The following MPPED2 variants were observed in gnomAD, a reference collection of about 807,000 sequenced individuals.
MPPED2 encodes the protein metallophosphoesterase MPPED2.
A neutral mutation model predicts 33.0 loss-of-function variants in MPPED2; 5 were observed. The ratio of observed to expected loss-of-function variants is 0.15; its 90% CI spans 0.08 to 0.32. The LOEUF (loss-of-function observed/expected upper bound fraction) is 0.32, where lower values mean the gene tolerates loss of function less well. Ranked by LOEUF, MPPED2 falls within the 10% of genes least tolerant of loss-of-function variation. The probability of loss-of-function intolerance (pLI) is 1.00; values close to 1 mark genes in which losing one functional copy is unlikely to be tolerated. For synonymous variants in MPPED2, 136 were observed against 141.9 expected, an observed-to-expected ratio of 0.96 and a Z score of 0.29; for missense variants, 275 against 372.1, an observed-to-expected ratio of 0.74 and a Z score of 2.15.
At chr11:30,455,894 T>C (rs1388636102) in intron 4 of MPPED2, among the ~76,000 whole-genome samples, 3 of 152,182 alleles carry the variant, frequency 2.0e-5, no homozygotes, top group Non-Finnish European at 4.4e-5. Context: ...AAGATTGACA[T>C]AGTGACGCTT....
intron 3 of MPPED2, among the ~76,000 whole-genome samples, chr11:30,515,591 G>A (rs1953489275): frequency 1.3e-5 from 2 of 152,142 alleles, no homozygotes; most frequent in African/African-American, 4.8e-5. Flanking sequence ...AAGTAGGTAT[G>A]CAAAACAGCT....
In MPPED2 at chr11:30,460,512, A is replaced by G. The variant is rs562546678; in HGVS notation, c.536+34784T>C. The stretch of plus-strand genomic sequence containing the variant: ...TGGTGGTGCACCTGTAGTCCCAGCT[A>G]CTCTGGAGGCTGAGGAGGGAGGACT... On this transcript the variant is annotated intron_variant, in intron 4 of 6. Transcript: ENST00000358117. Among the ~76,000 whole-genome samples, 19 of 152,064 alleles carry G rather than the reference A, an allele frequency of 1.2e-4. No homozygotes were observed. The South Asian group carries it at 3.3e-3, about 27-fold the overall frequency.
intron 6 of MPPED2, among the ~76,000 whole-genome samples, chr11:30,392,303 A>C (rs1303463761): frequency 1.3e-5 from 2 of 152,040 alleles, no homozygotes; most frequent in Non-Finnish European, 2.9e-5. Context: ...GTCCTTATTG[A>C]CTGTTCTCAC....
At chr11:30,464,096 T>C (rs1628129) in intron 4 of MPPED2, among the ~76,000 whole-genome samples, 16,842 of 152,100 alleles carry the variant, frequency 0.11, 1,213 homozygotes, top group South Asian at 0.24. Context: ...TTAATAACAA[T>C]GTAAATATTA....
intron 2 of MPPED2, among the ~76,000 whole-genome samples, chr11:30,571,087 C>T (rs1375822914): frequency 6.6e-6 from 1 of 151,928 alleles, no homozygotes; most frequent in Non-Finnish European, 1.5e-5. Flanking sequence ...GATTTTAAAG[C>T]TCAATACTAT....
At chr11:30,484,529 CACTT>C (rs1951632953) in intron 4 of MPPED2, among the ~76,000 whole-genome samples, 1 of 152,156 alleles carries the variant, frequency 6.6e-6, no homozygotes, top group African/African-American at 2.4e-5. Context: ...GTTTGACACT[CACTT>C]GGTGTTGGAG....
intron 4 of MPPED2, among the ~76,000 whole-genome samples, chr11:30,451,002 A>T (rs1461271392): frequency 6.6e-6 from 1 of 152,216 alleles, no homozygotes; most frequent in Non-Finnish European, 1.5e-5. Flanking sequence ...ATGGGAAATA[A>T]TCTGTGAGCA....
At chr11:30,387,562 A>G (rs953241790) in exon 7 of MPPED2, 1 of 152,146 alleles carries the variant, frequency 6.6e-6, no homozygotes, top group Non-Finnish European at 1.5e-5. Context: ...CCCATCAGAA[A>G]AGGAACGGAG....
At chr11:30,575,825 A>G (rs1442284967) in intron 2 of MPPED2, among the ~76,000 whole-genome samples, 1 of 152,150 alleles carries the variant, frequency 6.6e-6, no homozygotes, top group Non-Finnish European at 1.5e-5. Flanking sequence ...AGACACTCCT[A>G]GGCTGTTTAT....
chr11:30,485,826 G>A (rs1463155911), intron 4 of MPPED2, among the ~76,000 whole-genome samples: 1 of 152,210 alleles, frequency 6.6e-6, no homozygotes, highest in Non-Finnish European at 1.5e-5. Flanking sequence ...ATGAACCCTT[G>A]AGAGGGTGGG....
downstream of MPPED2, among the ~76,000 whole-genome samples, chr11:30,406,487 T>G (rs1297286242): frequency 6.6e-6 from 1 of 152,112 alleles, no homozygotes; most frequent in Non-Finnish European, 1.5e-5. Context: ...GGGAGTTTTC[T>G]GAATCAGTGT....
chr11:30,507,932 C>A (rs534757439), intron 3 of MPPED2, among the ~76,000 whole-genome samples: 14 of 152,232 alleles, frequency 9.2e-5, no homozygotes, highest in African/African-American at 3.1e-4. Flanking sequence ...ACCCAAGGTT[C>A]CAAGAAGCAG....
At chr11:30,472,005 T>C (rs1950970200) in intron 4 of MPPED2, among the ~76,000 whole-genome samples, 1 of 141,482 alleles carries the variant, frequency 7.1e-6, no homozygotes, top group Admixed American at 6.9e-5. Flanking sequence ...TTCTTGTCAA[T>C]CCCAGCTACA....
chr11:30,385,541 T>G (rs976036101), exon 7 of MPPED2: 14 of 152,048 alleles, frequency 9.2e-5, no homozygotes, highest in African/African-American at 3.4e-4. Context: ...TCCAATCATG[T>G]CATTGACCAC....
chr11:30,430,912 A>T (rs764260452), intron 4 of MPPED2, among the ~76,000 whole-genome samples: 19 of 152,194 alleles, frequency 1.2e-4, no homozygotes, highest in Non-Finnish European at 2.4e-4. Flanking sequence ...CCCATCATAC[A>T]TGTGCAGAAC....
At chr11:30,524,662 T>C (rs1433995696) in intron 3 of MPPED2, among the ~76,000 whole-genome samples, 2 of 152,070 alleles carry the variant, frequency 1.3e-5, no homozygotes, top group African/African-American at 4.8e-5. Context: ...AATGGCAAGT[T>C]GGGGTTTGGC....
At chr11:30,573,490 A>G (rs966869619) in intron 2 of MPPED2, among the ~76,000 whole-genome samples, 1 of 152,206 alleles carries the variant, frequency 6.6e-6, no homozygotes, top group Non-Finnish European at 1.5e-5. Flanking sequence ...CAGGTCCTTC[A>G]GGAGGTATTC....
At chr11:30,401,145 T>G (rs1183199394) in intron 6 of MPPED2, among the ~76,000 whole-genome samples, 1 of 152,208 alleles carries the variant, frequency 6.6e-6, no homozygotes, top group Non-Finnish European at 1.5e-5. Context: ...GTTATAAAAA[T>G]AGTTTGGTTT....
chr11:30,501,511 T>C (rs1952560255), intron 3 of MPPED2: 1 of 370,758 alleles, frequency 2.7e-6, no homozygotes. Context: ...ACACAACTTT[T>C]TGCCTCCTTC....
Sources: allele counts gnomAD v4.1 joint callset (sites outside exome capture counted in the v4.1 genomes callset), GRCh38; gene constraint gnomAD v4.1.1; transcripts MANE v1.5; gene names NCBI Gene and HGNC (gene_info 2026-07-23, HGNC 2026-07-21).